Variants in RBCK1 observed in about 807,000 individuals in gnomAD.
RBCK1 encodes the protein ranBP-type and C3HC4-type zinc finger-containing protein 1.
In RBCK1, 44 loss-of-function variants were observed where a neutral mutation model predicts 71.1. The observed-to-expected ratio is 0.62, with a 90% CI of 0.49 to 0.80. RBCK1 has a LOEUF of 0.80. RBCK1 is among the 30% of genes least tolerant of loss of function. RBCK1 has a pLI of 0.00. For synonymous variants in RBCK1, 306 were observed against 279.7 expected (o/e 1.09, Z -0.94); for missense variants, 569 against 685.0 (o/e 0.83, Z 1.89).
At chr20:429,584 G>A (rs780979452) in intron 11 of RBCK1, among the ~76,000 whole-genome samples, 2 of 152,194 alleles carry the variant, frequency 1.3e-5, no homozygotes, top group Non-Finnish European at 1.5e-5. Context: ...ATTTTGTGAC[G>A]TGAAAATTAC....
intron 2 of RBCK1, among the ~76,000 whole-genome samples, chr20:414,158 G>T (rs1036408445): frequency 2.6e-5 from 4 of 152,032 alleles, no homozygotes; most frequent in African/African-American, 9.7e-5. Context: ...TGGGCATGGC[G>T]GCTCAGCACT....
rs192629085 is a variant in RBCK1 at position 411,571 on chromosome 20, G to A, written c.167+1546G>A. Among the ~76,000 whole-genome samples the A allele has an allele frequency of 2.6e-3, 390 of 152,118 alleles. 5 individuals carry two copies. The highest frequency in any genetic ancestry group is 9.0e-3 in the African/African-American group (374 of 41,500). On this transcript the variant is annotated intron_variant, in intron 2 of 11. Coordinates refer to ENST00000356286, the MANE Select transcript of RBCK1 (RefSeq NM_031229.4). Reference sequence around the variant, plus strand: ...TTTAGTAGAGACGGGGTTTCGCCGTGTTAACCAGGATGGTCTCCATCTCCT... The same window carrying A: ...TTTAGTAGAGACGGGGTTTCGCCGTATTAACCAGGATGGTCTCCATCTCCT...
Position 428,425 on chromosome 20 carries a change from C to T in RBCK1, c.1210-66C>T. The stretch of plus-strand genomic sequence containing the variant: ...GCCTTTGTGGACTCCTGCCCTGCAC[C>T]TCACCTCTCCCAGCTTCTTAACCCC... On this transcript the variant is annotated intron_variant, in intron 9 of 11. Coordinates refer to ENST00000356286, the MANE Select transcript of RBCK1 (RefSeq NM_031229.4). This position sits in a 1 kb window ranked among gnomAD's most constrained non-coding sequence, Gnocchi z 5.7. The T allele has an allele frequency of 8.2e-7, 1 of 1,224,938 alleles. No individual in the cohort carries two copies. The highest frequency in any genetic ancestry group is 2.5e-5 in the Admixed American group (1 of 40,648). The allele number at this position is 1,224,938 out of a possible 1,614,324, so 75.9% of individuals were successfully genotyped here. A position where few individuals can be genotyped will look rare whatever the true frequency, so the allele number is the denominator to read the frequency against.
At chr20:427,273 G>A in intron 8 of RBCK1, 40 bp from the exon 9 acceptor site, 1 of 1,603,588 alleles carries the variant, frequency 6.2e-7, no homozygotes, top group Non-Finnish European at 8.5e-7. Flanking sequence ...TATGTCAGGT[G>A]TTCTGAATCC....
chr20:421,155 T>C (rs1004296362), intron 7 of RBCK1, 124 bp downstream of exon 7: 18 of 1,229,994 alleles, frequency 1.5e-5, no homozygotes, highest in East Asian at 8.0e-5. Flanking sequence ...ACCTACGAGG[T>C]AGGCTCCGTC....
At chr20:419,158 G>A (rs923027778) in intron 4 of RBCK1, among the ~76,000 whole-genome samples, 189 bp from the exon 5 acceptor site, 1 of 152,148 alleles carries the variant, frequency 6.6e-6, no homozygotes, top group Non-Finnish European at 1.5e-5. Flanking sequence ...AGCATTTATC[G>A]GTGGAATAGG....
Position 428,594 on chromosome 20 carries a change from G to A in RBCK1, c.1308+5G>A, listed in dbSNP as rs2016857519. On this transcript the variant is annotated splice_donor_5th_base_variant and intron_variant, in intron 10 of 11. Coordinates refer to ENST00000356286, the MANE Select transcript of RBCK1 (RefSeq NM_031229.4). The surrounding 1 kb of genome is among the most constrained non-coding windows in gnomAD (Gnocchi z 5.7). ...CAGACGACAGAGATGCTGAAGGTGAGGCTGGGACAGGGCCGAGGCCTAGGG... is the reference window on the plus strand; with the variant it reads ...CAGACGACAGAGATGCTGAAGGTGAAGCTGGGACAGGGCCGAGGCCTAGGG... 3 of 1,607,062 alleles carry A rather than the reference G, an allele frequency of 1.9e-6. No individual in the cohort carries two copies. The highest frequency in any genetic ancestry group is 2.5e-6 in the Non-Finnish European group (3 of 1,177,166).
chr20:427,600 G>C, intron 9 of RBCK1, 108 bp downstream of exon 9: 1 of 1,228,290 alleles, frequency 8.1e-7, no homozygotes, highest in Non-Finnish European at 1.2e-6. Context: ...CTGGCCTGCT[G>C]GTCATGACTT....
rs76101251 is a variant in RBCK1 at position 410,371 on chromosome 20, G to C, written c.167+346G>C. On this transcript the variant is annotated intron_variant, in intron 2 of 11. Coordinates refer to ENST00000356286, the MANE Select transcript of RBCK1 (RefSeq NM_031229.4). ...GTTCTGCTCCCGACAGTCCTCAGAG[G>C]CTCATATTGTTTCTCTCACCATTCT... The C allele has an allele frequency of 2.2e-4, 172 of 775,886 alleles. No individual in the cohort carries two copies. In the East Asian group the frequency reaches 3.7e-3, roughly 17 times the overall value. 48.1% of individuals were successfully genotyped at this position (775,886 alleles called of 1,614,324 possible). A position where few individuals can be genotyped will look rare whatever the true frequency, so the allele number is the denominator to read the frequency against.
At chr20:419,850 T>G in intron 6 of RBCK1, 119 bp downstream of exon 6, 1 of 1,445,100 alleles carries the variant, frequency 6.9e-7, no homozygotes, top group Non-Finnish European at 9.1e-7. Context: ...CTCCCAACCA[T>G]GCTGCTGGCA....
intron 8 of RBCK1, among the ~76,000 whole-genome samples, chr20:425,623 A>ATTTT (rs200677519): frequency 0.035 from 4,573 of 129,284 alleles, 187 homozygotes; most frequent in African/African-American, 0.092. Flanking sequence ...TGCATGGTGT[A>ATTTT]TTCTTTTTTT....
Position 430,680 on chromosome 20 carries a change from G to A in RBCK1, c.*250G>A. On this transcript the variant is annotated 3_prime_UTR_variant, in exon 12 of 12. Transcript: ENST00000356286. The surrounding 1 kb of genome is among the most constrained non-coding windows in gnomAD (Gnocchi z 5.6). ...CCTTAAACATAGCCCCTGGCCAGAG[G>A]CCTTGCTGGGTGGAGCCTCTGTGTG... 1.8e-6 allele frequency: 1 copy of A among 546,458 alleles called. No individual in the cohort carries two copies. Among genetic ancestry groups the A allele is most frequent in the Admixed American group, 3.2e-5 (1 of 31,566 alleles). The allele number at this position is 546,458 out of a possible 1,614,324, so 33.9% of individuals were successfully genotyped here.
rs115654037 is a variant in RBCK1 at position 430,911 on chromosome 20, C to T, written c.*481C>T. ...GCACAGCCCGTCAGGTCCGGCTCTG[C>T]GTCTCCCTCTCTGCAGCCTGTGTAA... is the stretch of plus-strand genomic sequence containing the variant. On this transcript the variant is annotated 3_prime_UTR_variant, in exon 12 of 12. Coordinates refer to ENST00000356286, the MANE Select transcript of RBCK1 (RefSeq NM_031229.4). This position sits in a 1 kb window ranked among gnomAD's most constrained non-coding sequence, Gnocchi z 5.6. The T allele has an allele frequency of 9.6e-3, 1,546 of 161,704 alleles. 24 individuals are homozygous for T. The highest frequency in any genetic ancestry group is 0.034 in the African/African-American group (1,415 of 41,738). The allele number at this position is 161,704 out of a possible 1,614,324, so 10.0% of individuals were successfully genotyped here.
chr20:424,408 C>CAT (rs1279485546), intron 8 of RBCK1, among the ~76,000 whole-genome samples: 1 of 111,534 alleles, frequency 9.0e-6, no homozygotes, highest in African/African-American at 2.7e-5. Flanking sequence ...CCACAAAACA[C>CAT]ATACACAGAC....
rs2016033985 is a variant in RBCK1, at chr20:417,107, C to T, written c.168-419C>T. 2.3e-6 allele frequency: 1 copy of T among 443,728 alleles called. No individual in the cohort carries two copies. Among genetic ancestry groups the T allele is most frequent in the Non-Finnish European group, 4.7e-6 (1 of 212,440 alleles). 27.5% of individuals were successfully genotyped at this position (443,728 alleles called of 1,614,324 possible). A position where few individuals can be genotyped will look rare whatever the true frequency, so the allele number is the denominator to read the frequency against. On this transcript the variant is annotated intron_variant, in intron 2 of 11. Transcript: ENST00000356286. This position sits in a 1 kb window ranked among gnomAD's most constrained non-coding sequence, Gnocchi z 4.7. ...CATTTTTATCTGTAAAACAGGGATA[C>T]AGCAGTACCTGTCTGATGGGTTGGT...
At chr20:425,644 T>TTTTTG (rs61202599) in intron 8 of RBCK1, among the ~76,000 whole-genome samples, 1 of 125,966 alleles carries the variant, frequency 7.9e-6, no homozygotes, top group East Asian at 2.1e-4. Context: ...TTTTTTTTTT[T>TTTTTG]GAGACGAAGT....
chr20:414,317 T>C (rs1129387), intron 2 of RBCK1, among the ~76,000 whole-genome samples: 67,486 of 151,942 alleles, frequency 0.44, 15,276 homozygotes, highest in Non-Finnish European at 0.49. Flanking sequence ...GAGGCTGAGA[T>C]GAGAGGATTA....
intron 8 of RBCK1, among the ~76,000 whole-genome samples, chr20:423,616 G>A (rs1363299200): frequency 6.6e-6 from 1 of 152,198 alleles, no homozygotes; most frequent in East Asian, 1.9e-4. Flanking sequence ...GATTTAAAGT[G>A]TATGGGAGGA....
chr20:427,270 G>A, intron 8 of RBCK1, 43 bp from the exon 9 acceptor site: 1 of 1,600,310 alleles, frequency 6.2e-7, no homozygotes, highest in East Asian at 2.2e-5. Context: ...TCATATGTCA[G>A]GTGTTCTGAA....
Sources: gnomAD v4.1 joint callset for allele counts (sites outside exome capture counted in the v4.1 genomes callset) on GRCh38, gnomAD v4.1.1 for gene constraint, Gnocchi (gnomAD v3.1) non-coding constraint, MANE v1.5 for transcripts, NCBI Gene and HGNC (gene_info 2026-07-23, HGNC 2026-07-21) for gene names.